Variants in VWF observed in about 807,000 individuals in gnomAD.
VWF encodes von Willebrand factor, also known as Factor VIII related antigen.
Under a neutral mutation model 308.6 loss-of-function variants are expected in VWF, and 176 were observed. The observed-to-expected ratio is 0.57, with a 90% CI of 0.50 to 0.65. The LOEUF (loss-of-function observed/expected upper bound fraction) is 0.65, where lower values mean the gene tolerates loss of function less well. Ranked by LOEUF, VWF falls within the 30% of genes least tolerant of loss-of-function variation. The probability of loss-of-function intolerance (pLI) is 0.00; values close to 1 mark genes in which losing one functional copy is unlikely to be tolerated. For synonymous variants in VWF, 1,385 were observed against 1,443.4 expected (o/e 0.96, Z 0.92); for missense variants, 3,146 against 3,648.2 (o/e 0.86, Z 3.55).
intron 7 of VWF, among the ~76,000 whole-genome samples, chr12:6,074,094 A>C (rs1042517013): frequency 2.0e-5 from 3 of 152,128 alleles, no homozygotes; most frequent in African/African-American, 7.2e-5. Context: ...AAACAAGTGG[A>C]GTCCTACGAC....
intron 9 of VWF, among the ~76,000 whole-genome samples, chr12:6,072,087 C>T (rs996286450): frequency 7.2e-5 from 11 of 152,154 alleles, no homozygotes; most frequent in African/African-American, 2.7e-4. Context: ...GATGTCTGCA[C>T]GTGAAGGATC....
At chr12:6,066,150 G>C (rs1020347645) in intron 10 of VWF, among the ~76,000 whole-genome samples, 7 of 152,064 alleles carry the variant, frequency 4.6e-5, no homozygotes, top group African/African-American at 9.7e-5. Context: ...CCACGCCCCA[G>C]CCTAGGCCCC....
chr12:5,992,757 A>G (rs965550346), intron 37 of VWF, among the ~76,000 whole-genome samples: 1 of 152,210 alleles, frequency 6.6e-6, no homozygotes, highest in African/African-American at 2.4e-5. Context: ...CAAGGCACCA[A>G]GGCAGGCAGG....
intron 46 of VWF, 37 bp from the exon 47 acceptor site, chr12:5,967,639 TC>T: frequency 6.5e-7 from 1 of 1,528,956 alleles, no homozygotes. Flanking sequence ...CCCCCCAGCA[TC>T]CCCCAACCCC....
At chr12:6,067,642 G>A (rs144621446) in intron 10 of VWF, among the ~76,000 whole-genome samples, 336 of 152,284 alleles carry the variant, frequency 2.2e-3, no homozygotes, top group Non-Finnish European at 3.9e-3. Context: ...ACGGGAGCTA[G>A]AACGTCAGCC....
chr12:6,021,829 C>T, intron 27 of VWF, 71 bp downstream of exon 27: 9 of 1,605,024 alleles, frequency 5.6e-6, no homozygotes, highest in African/African-American at 1.3e-5. Flanking sequence ...TACCCAAAAC[C>T]TAGTCTCTAA....
chr12:6,036,255 A>C (rs1324538438), intron 19 of VWF, 133 bp downstream of exon 19: 1 of 750,288 alleles, frequency 1.3e-6, no homozygotes, highest in African/African-American at 1.7e-5. Context: ...AAACACAGGC[A>C]CGGAGGAAAG....
Position 6,046,704 on chromosome 12 carries a change from C to T in VWF, c.2281+19G>A, listed in dbSNP as rs1322636582. 6.2e-7 allele frequency: 1 copy of T among 1,612,986 alleles called. No individual in the cohort carries two copies. Among genetic ancestry groups the T allele is most frequent in the East Asian group, 2.2e-5 (1 of 44,870 alleles). ...GGGCAGGATGGAGTCAATGGGCCTTCCAGGGGGACAGTACTCACTGCGATG... is the reference window on the plus strand; with the variant it reads ...GGGCAGGATGGAGTCAATGGGCCTTTCAGGGGGACAGTACTCACTGCGATG... On this transcript the variant is annotated intron_variant, in intron 17 of 51. Transcript: ENST00000261405. This position sits in a 1 kb window ranked among gnomAD's most constrained non-coding sequence, Gnocchi z 5.0.
chr12:5,959,635 G>T (rs1186159678), intron 47 of VWF, among the ~76,000 whole-genome samples: 1 of 151,952 alleles, frequency 6.6e-6, no homozygotes, highest in African/African-American at 2.4e-5. Context: ...TCAAGATTTT[G>T]AAATCTTAGA....
At chr12:6,053,010 C>T (rs954942697) in intron 15 of VWF, among the ~76,000 whole-genome samples, 17 of 152,232 alleles carry the variant, frequency 1.1e-4, no homozygotes, top group Non-Finnish European at 1.8e-4. Flanking sequence ...GTATGGTCAT[C>T]AACTTCCTTT....
chr12:6,105,319 C>T (rs1004206550), intron 5 of VWF, among the ~76,000 whole-genome samples: 1 of 152,086 alleles, frequency 6.6e-6, no homozygotes, highest in African/African-American at 2.4e-5. Flanking sequence ...ACCTCCGTCC[C>T]CTGGGTTCAA....
At chr12:6,123,930 G>A (rs575548772) in intron 1 of VWF, among the ~76,000 whole-genome samples, 186 of 152,198 alleles carry the variant, frequency 1.2e-3, no homozygotes, top group African/African-American at 4.0e-3. Context: ...CCCTCTCCTC[G>A]GGAAAAGTTG....
At chr12:6,073,587 C>G in intron 8 of VWF, 32 bp downstream of exon 8, 1 of 1,613,690 alleles carries the variant, frequency 6.2e-7, no homozygotes, top group Non-Finnish European at 8.5e-7. Context: ...GGCAAGGTCT[C>G]TGATCTGTAA....
chr12:6,111,367 T>C (rs1945306054), intron 3 of VWF, among the ~76,000 whole-genome samples: 1 of 152,286 alleles, frequency 6.6e-6, no homozygotes, highest in South Asian at 2.1e-4. Context: ...GAGTGTTATT[T>C]ATTCATTCAT....
At chr12:6,041,078 G>A (rs1944391299) in intron 18 of VWF, among the ~76,000 whole-genome samples, 1 of 152,122 alleles carries the variant, frequency 6.6e-6, no homozygotes, top group African/African-American at 2.4e-5. Flanking sequence ...TCTGTTATAT[G>A]TCATAAAAAG....
At chr12:6,003,773 G>A (rs1211126104) in intron 34 of VWF, among the ~76,000 whole-genome samples, 1 of 151,722 alleles carries the variant, frequency 6.6e-6, no homozygotes, top group Non-Finnish European at 1.5e-5. Context: ...GCAATGGATG[G>A]TGGTGATGGT....
chr12:5,983,064 C>T, intron 41 of VWF, 86 bp downstream of exon 41: 1 of 1,347,196 alleles, frequency 7.4e-7, no homozygotes, highest in Non-Finnish European at 1.0e-6. Flanking sequence ...ATGACGTGAT[C>T]TTGGAAGAGG....
In VWF at chr12:6,019,302, G is replaced by T; in HGVS notation, c.4116C>A (p.Ile1372=). The T allele has an allele frequency of 1.2e-6, 2 of 1,613,910 alleles. No homozygotes were observed. The highest frequency in any genetic ancestry group is 1.7e-6 in the Non-Finnish European group (2 of 1,179,858). ...KYTLFQIFSK[I]DRPEASRITL... ...TGATGCGGGAGGCTTCAGGGCGGTC[G>T]ATCTTGCTGAAGATTTGGAACAGTG... The change falls in exon 28 of 52, where the codon ATC becomes ATA. Residue 1372 remains isoleucine, a synonymous_variant. Coordinates refer to ENST00000261405, the MANE Select transcript of VWF (RefSeq NM_000552.5). This position sits in a 1 kb window ranked among gnomAD's most constrained non-coding sequence, Gnocchi z 5.8.
chr12:5,978,844 T>C (rs1263761935), intron 42 of VWF, among the ~76,000 whole-genome samples: 4 of 152,130 alleles, frequency 2.6e-5, no homozygotes, highest in African/African-American at 9.7e-5. Flanking sequence ...CACTAAAAGG[T>C]AGGGGGACTT....
Sources: allele counts gnomAD v4.1 joint callset (sites outside exome capture counted in the v4.1 genomes callset), GRCh38; gene constraint gnomAD v4.1.1; non-coding constraint Gnocchi (gnomAD v3.1); transcripts MANE v1.5; gene names NCBI Gene and HGNC (gene_info 2026-07-23, HGNC 2026-07-21).